Variants in FHIT observed in about 807,000 individuals in gnomAD.
The protein encoded by FHIT is fragile histidine triad diadenosine triphosphatase.
Under a neutral mutation model 17.9 loss-of-function variants are expected in FHIT, and 19 were observed. The ratio of observed to expected loss-of-function variants is 1.06; its 90% confidence interval spans 0.74 to 1.56. FHIT has a LOEUF of 1.56. Ranked by LOEUF, FHIT falls within the 40% of genes most tolerant of loss-of-function variation. The pLI is 0.00. For missense variants in FHIT, 248 were observed against 189.2 expected (o/e 1.31, Z -1.82); for synonymous variants, 81 against 69.7 (o/e 1.16, Z -0.81).
At chr3:60,879,864 A>G (rs1305690260) in intron 3 of FHIT, among the ~76,000 whole-genome samples, 2 of 151,932 alleles carry the variant, frequency 1.3e-5, no homozygotes, top group African/African-American at 2.4e-5. Flanking sequence ...AGAAAGAAAA[A>G]GAGTTTTTAA....
At chr3:59,976,364 C>A (rs2107409444) in intron 7 of FHIT, among the ~76,000 whole-genome samples, 1 of 152,132 alleles carries the variant, frequency 6.6e-6, no homozygotes, top group East Asian at 1.9e-4. Flanking sequence ...TTCTTAATGT[C>A]TTGGGCAAAT....
intron 5 of FHIT, among the ~76,000 whole-genome samples, chr3:60,339,058 T>C (rs1281367530): frequency 1.3e-5 from 2 of 152,342 alleles, no homozygotes; most frequent in African/African-American, 4.8e-5. Flanking sequence ...ATTTCTGTTA[T>C]GTATTTATGA....
chr3:59,909,226 G>C (rs540973739), intron 8 of FHIT, among the ~76,000 whole-genome samples: 23 of 152,042 alleles, frequency 1.5e-4, no homozygotes, highest in African/African-American at 5.1e-4. Flanking sequence ...TAGAGATGAG[G>C]CTTCACCATG....
chr3:60,562,325 A>T (rs1576883708), intron 4 of FHIT, among the ~76,000 whole-genome samples: 1 of 152,290 alleles, frequency 6.6e-6, no homozygotes, highest in East Asian at 1.9e-4. Context: ...ACATTTTCAG[A>T]TAGTTAGGAG....
At chr3:60,880,982 G>A (rs1267418548) in intron 3 of FHIT, among the ~76,000 whole-genome samples, 1 of 152,092 alleles carries the variant, frequency 6.6e-6, no homozygotes, top group Non-Finnish European at 1.5e-5. Context: ...TAAAGACATA[G>A]ACTGACTTAA....
intron 8 of FHIT, among the ~76,000 whole-genome samples, chr3:59,794,799 G>A (rs949032177): frequency 6.6e-6 from 1 of 152,168 alleles, no homozygotes; most frequent in East Asian, 1.9e-4. Flanking sequence ...AGCTCTCAAA[G>A]CTAGGCCTAG....
At chr3:59,863,567 C>G (rs1051001885) in intron 8 of FHIT, among the ~76,000 whole-genome samples, 1 of 152,136 alleles carries the variant, frequency 6.6e-6, no homozygotes, top group East Asian at 1.9e-4. Flanking sequence ...AGCCAGAGAC[C>G]ATGCATGATT....
At chr3:59,926,735 A>G (rs1341723297) in intron 7 of FHIT, among the ~76,000 whole-genome samples, 2 of 152,358 alleles carry the variant, frequency 1.3e-5, no homozygotes, top group Non-Finnish European at 2.9e-5. Context: ...GATGCTCCAC[A>G]TTATTAGTCA....
chr3:60,722,707 C>CTT (rs1157024624), intron 4 of FHIT, among the ~76,000 whole-genome samples: 4,642 of 104,714 alleles, frequency 0.044, 189 homozygotes, highest in African/African-American at 0.097. Context: ...TACCTTAAAT[C>CTT]TTTTTTTTTT....
intron 5 of FHIT, among the ~76,000 whole-genome samples, chr3:60,377,542 C>G (rs1023588407): frequency 1.2e-4 from 15 of 125,184 alleles, no homozygotes; most frequent in Non-Finnish European, 2.2e-4. Context: ...ACTGCAGTGG[C>G]GCAATCTCGG....
chr3:60,880,355 T>C (rs1704902958), intron 3 of FHIT, among the ~76,000 whole-genome samples: 1 of 152,170 alleles, frequency 6.6e-6, no homozygotes, highest in Non-Finnish European at 1.5e-5. Context: ...ACTAGAACAG[T>C]TTTACAAGAA....
intron 5 of FHIT, among the ~76,000 whole-genome samples, chr3:60,032,268 T>C (rs990028763): frequency 6.6e-6 from 1 of 151,966 alleles, no homozygotes; most frequent in African/African-American, 2.4e-5. Context: ...CAATCCAGCC[T>C]GGGCAAAGTA....
At chr3:60,233,338 C>A (rs1413236222) in intron 5 of FHIT, among the ~76,000 whole-genome samples, 1 of 152,086 alleles carries the variant, frequency 6.6e-6, no homozygotes, top group African/African-American at 2.4e-5. Flanking sequence ...TAACAGCCAT[C>A]CCGTGCCTTC....
At chr3:61,019,691 T>C (rs2032306365) in intron 3 of FHIT, among the ~76,000 whole-genome samples, 2 of 152,196 alleles carry the variant, frequency 1.3e-5, no homozygotes, top group African/African-American at 4.8e-5. Flanking sequence ...TTCTTTTCTC[T>C]ATGGCTTTAA....
At chr3:60,063,497 A>G (rs2106935879) in intron 5 of FHIT, among the ~76,000 whole-genome samples, 1 of 152,312 alleles carries the variant, frequency 6.6e-6, no homozygotes, top group African/African-American at 2.4e-5. Flanking sequence ...CTCCCTTAAT[A>G]AAAGCAGAGG....
Position 59,749,251 on chromosome 3 carries a change from T to G in FHIT, c.*334A>C, listed in dbSNP as rs1700750875. The G allele has an allele frequency of 1.3e-5, 3 of 230,682 alleles. No homozygotes were observed. In the South Asian group the frequency reaches 5.5e-4, roughly 42 times the overall value. The allele number at this position is 230,682 out of a possible 1,614,324, so 14.3% of individuals were successfully genotyped here. ...ATTGAATTTCCTTTAAAAAAGTAACTGTAACTGTAATAGGTTTGTTGCCTA... is the reference window on the plus strand; with the variant it reads ...ATTGAATTTCCTTTAAAAAAGTAACGGTAACTGTAATAGGTTTGTTGCCTA... On this transcript the variant is annotated 3_prime_UTR_variant, in exon 10 of 10. Coordinates refer to ENST00000492590, the MANE Select transcript of FHIT (RefSeq NM_002012.4).
At chr3:60,139,490 G>C (rs934741530) in intron 5 of FHIT, among the ~76,000 whole-genome samples, 1 of 152,152 alleles carries the variant, frequency 6.6e-6, no homozygotes, top group Non-Finnish European at 1.5e-5. Context: ...TATCACCCCA[G>C]CTTAGAAGCT....
intron 4 of FHIT, among the ~76,000 whole-genome samples, chr3:60,673,155 A>T (rs1422304486): frequency 6.6e-6 from 1 of 152,078 alleles, no homozygotes; most frequent in Non-Finnish European, 1.5e-5. Context: ...AAATATATAT[A>T]TTATTCCATA....
chr3:60,987,536 G>A (rs1050210681), intron 3 of FHIT, among the ~76,000 whole-genome samples: 6 of 152,206 alleles, frequency 3.9e-5, no homozygotes, highest in Non-Finnish European at 8.8e-5. Context: ...CAATGCTAAT[G>A]ACTGGTTTGC....
Sources: allele counts gnomAD v4.1 joint callset (sites outside exome capture counted in the v4.1 genomes callset), GRCh38; gene constraint gnomAD v4.1.1; transcripts MANE v1.5; gene names NCBI Gene and HGNC (gene_info 2026-07-23, HGNC 2026-07-21).